Variants in ZSCAN5C observed in about 807,000 individuals in gnomAD.
ZSCAN5C encodes zinc finger and SCAN domain containing 5C.
In ZSCAN5C, 11 loss-of-function variants were observed where a neutral mutation model predicts 17.3. That is an observed-to-expected ratio of 0.64 (90% CI 0.40 to 1.06). The LOEUF is 1.06. Ranked by LOEUF, ZSCAN5C falls within the 50% of genes least tolerant of loss-of-function variation. The pLI is 0.00. For synonymous variants in ZSCAN5C, 229 were observed against 208.4 expected (o/e 1.10, Z -0.85); for missense variants, 698 against 538.9 (o/e 1.30, Z -2.92).
chr19:56,203,656 T>C (rs894365759), intron 1 of ZSCAN5C, among the ~76,000 whole-genome samples: 2 of 149,030 alleles, frequency 1.3e-5, no homozygotes, highest in South Asian at 4.3e-4. Context: ...TTTTTTTTTT[T>C]TTTTTTTTTG....
At chr19:56,202,885 T>C (rs1004844561) in intron 1 of ZSCAN5C, among the ~76,000 whole-genome samples, 11 of 151,956 alleles carry the variant, frequency 7.2e-5, no homozygotes, top group African/African-American at 2.2e-4. Context: ...ATCGCTGGAT[T>C]CTCCCTTTCC....
chr19:56,203,158 A>C (rs1266256593), intron 1 of ZSCAN5C, among the ~76,000 whole-genome samples: 1 of 151,880 alleles, frequency 6.6e-6, no homozygotes, highest in Non-Finnish European at 1.5e-5. Flanking sequence ...GGTGGTTGTC[A>C]AACTCCTGGG....
chr19:56,206,304 G>A lies in ZSCAN5C; in HGVS notation c.384+7G>A. On this transcript the variant is annotated splice_region_variant and intron_variant, in intron 2 of 4. Coordinates refer to ENST00000534327, the Ensembl canonical transcript of ZSCAN5C. ...CAGAAGACCCAAGAAATGGGTGAGTGGGACCCTCGTGATTGGTGCAGGGAA... is the reference window on the plus strand; with the variant it reads ...CAGAAGACCCAAGAAATGGGTGAGTAGGACCCTCGTGATTGGTGCAGGGAA... 1 of 1,508,708 alleles carries A rather than the reference G, an allele frequency of 6.6e-7. No homozygotes were observed. The highest frequency in any genetic ancestry group is 8.9e-7 in the Non-Finnish European group (1 of 1,120,822). 93.5% of individuals were successfully genotyped at this position (1,508,708 alleles called of 1,614,324 possible). A position where few individuals can be genotyped will look rare whatever the true frequency, so the allele number is the denominator to read the frequency against.
chr19:56,208,224 C>T (rs766327630), intron 4 of ZSCAN5C, 40 bp downstream of exon 4: 1 of 749,200 alleles, frequency 1.3e-6, no homozygotes, highest in Non-Finnish European at 2.5e-6. Context: ...GATAGCCCCT[C>T]TCTTCTGGGG....
chr19:56,208,127 G>C, exon 4 of ZSCAN5C: 1 of 778,958 alleles, frequency 1.3e-6, no homozygotes, highest in Middle Eastern at 2.3e-4. Flanking sequence ...CCTGGAGGAA[G>C]ACAGGGAGGA....
At chr19:56,205,109 G>T (rs1294670203) in intron 1 of ZSCAN5C, among the ~76,000 whole-genome samples, 1 of 151,740 alleles carries the variant, frequency 6.6e-6, no homozygotes, top group Admixed American at 6.6e-5. Flanking sequence ...GATGAGGATG[G>T]GGTTCCTTTT....
chr19:56,205,771 C>A lies in ZSCAN5C; in HGVS notation c.-127-16C>A. 1 of 585,324 alleles carries A rather than the reference C, an allele frequency of 1.7e-6. No homozygotes were observed. The highest frequency in any genetic ancestry group is 3.0e-6 in the Non-Finnish European group (1 of 329,496). The allele number at this position is 585,324 out of a possible 1,614,324, so 36.3% of individuals were successfully genotyped here. A position where few individuals can be genotyped will look rare whatever the true frequency, so the allele number is the denominator to read the frequency against. On this transcript the variant is annotated splice_polypyrimidine_tract_variant and intron_variant, in intron 1 of 4. Coordinates refer to ENST00000534327, the Ensembl canonical transcript of ZSCAN5C. The stretch of plus-strand genomic sequence containing the variant: ...AGTAGAAACTTTAACAGAGCTCATG[C>A]TTTTTTTCCCTGCAGACTTCTGAAT...
chr19:56,209,273 G>C (rs1436449962), downstream of ZSCAN5C: 6 of 612,884 alleles, frequency 9.8e-6, no homozygotes, highest in East Asian at 1.6e-4. Flanking sequence ...GTCAGATGAC[G>C]TTTGACAGAT....
At chr19:56,202,482 C>T (rs1204151223) in intron 1 of ZSCAN5C, among the ~76,000 whole-genome samples, 160 bp downstream of exon 1, 1 of 151,890 alleles carries the variant, frequency 6.6e-6, no homozygotes, top group African/African-American at 2.4e-5. Context: ...GCCCGGACAC[C>T]TTGTGAAGGC....
chr19:56,208,457 G>A lies in ZSCAN5C; in HGVS notation c.748G>A (p.Val250Met), dbSNP rs199505069. The A allele has an allele frequency of 5.4e-4, 733 of 1,364,906 alleles. 2 individuals carry two copies. Among genetic ancestry groups the A allele is most frequent in the Non-Finnish European group, 6.4e-4 (615 of 966,550 alleles). The allele number at this position is 1,364,906 out of a possible 1,614,324, so 84.5% of individuals were successfully genotyped here. A position where few individuals can be genotyped will look rare whatever the true frequency, so the allele number is the denominator to read the frequency against. The change falls in exon 5 of 5, where the codon GTG becomes ATG. Residue 250 changes from valine to methionine, a missense_variant. By Grantham distance (21) the Val-to-Met change is conservative. Around this residue, in one of 3 missense-constraint regions of ZSCAN5C, gnomAD observed 554 missense variants for 390.5 expected, o/e 1.42. Transcript: ENST00000534327. Reference sequence around the variant, plus strand: ...GGAATCCCTTCTTCCAGCAGGGGTGGTGGGAGCAAAGGAGGGGAAGGAACC... The same window carrying A: ...GGAATCCCTTCTTCCAGCAGGGGTGATGGGAGCAAAGGAGGGGAAGGAACC...
exon 3 of ZSCAN5C, chr19:56,207,154 C>G (rs187699193): frequency 1.3e-6 from 1 of 778,336 alleles, no homozygotes; most frequent in Non-Finnish European, 2.4e-6. Flanking sequence ...ATCCGAGACA[C>G]GTGTCCAGCC....
At position 56,207,018 on chromosome 19, in the gene ZSCAN5C, G is replaced by C. The variant is rs766982883; in HGVS notation, c.385-41G>C. On this transcript the variant is annotated intron_variant, in intron 2 of 4. Transcript: ENST00000534327. The stretch of plus-strand genomic sequence containing the variant: ...CCAGGGAATATGAGAGCTACTTTCA[G>C]GTTCTCATAGTTAGTCTGATTGCTT... 1.2e-5 allele frequency: 8 copies of C among 690,366 alleles called. No individual in the cohort carries two copies. The African/African-American group carries it at 1.4e-4, about 12-fold the overall frequency. 42.8% of individuals were successfully genotyped at this position (690,366 alleles called of 1,614,324 possible). A position where few individuals can be genotyped will look rare whatever the true frequency, so the allele number is the denominator to read the frequency against.
chr19:56,209,148 C>T (rs549862451), exon 5 of ZSCAN5C: 25 of 1,393,710 alleles, frequency 1.8e-5, no homozygotes, highest in Non-Finnish European at 2.3e-5. Flanking sequence ...TTCGGTCGGC[C>T]GGCGACCTTA....
chr19:56,207,156 T>A lies in ZSCAN5C; in HGVS notation c.482T>A (p.Val161Glu), dbSNP rs139308373. 8.6e-3 allele frequency: 6,705 copies of A among 778,744 alleles called. 59 individuals carry two copies. The highest frequency in any genetic ancestry group is 0.012 in the Non-Finnish European group (5,069 of 419,056). 48.2% of individuals were successfully genotyped at this position (778,744 alleles called of 1,614,324 possible). The change falls in exon 3 of 5, where the codon GTG (valine) becomes GAG (glutamate). Residue 161 changes from valine to glutamate, a missense_variant. Around this residue, in one of 3 missense-constraint regions of ZSCAN5C, gnomAD observed 554 missense variants for 390.5 expected, o/e 1.42. Transcript: ENST00000534327. ...AGTGTCAGAGATGATCCGAGACACG[T>A]GTCCAGCCAGCGGACCTCCTCTGTG...
intron 1 of ZSCAN5C, among the ~76,000 whole-genome samples, chr19:56,203,911 C>T (rs143635991): frequency 5.9e-5 from 9 of 151,852 alleles, no homozygotes; most frequent in African/African-American, 1.9e-4. Flanking sequence ...AGCCGTCCAA[C>T]GTGCTGGGAT....
At chr19:56,205,925 T>C (rs762298814) in exon 2 of ZSCAN5C, 3 of 1,209,186 alleles carry the variant, frequency 2.5e-6, no homozygotes, top group East Asian at 2.4e-5. Flanking sequence ...TGGCTGCAAA[T>C]TGCACATCCT....
chr19:56,204,541 C>T lies in ZSCAN5C; in HGVS notation c.-127-1246C>T, dbSNP rs1292315887. On this transcript the variant is annotated intron_variant, in intron 1 of 4. Transcript: ENST00000534327. Reference sequence around the variant, plus strand: ...GATGTCCACACGGGCGCCTTAAGCCCCTCTAGTGGGTTGTTTTCTCGCTCT... The same window carrying T: ...GATGTCCACACGGGCGCCTTAAGCCTCTCTAGTGGGTTGTTTTCTCGCTCT... Among the ~76,000 whole-genome samples, 3 of 151,568 alleles carry T rather than the reference C, an allele frequency of 2.0e-5. No homozygotes were observed. In the East Asian group the frequency reaches 5.8e-4, roughly 29 times the overall value.
At chr19:56,204,105 T>C (rs916038209) in intron 1 of ZSCAN5C, among the ~76,000 whole-genome samples, 1 of 151,958 alleles carries the variant, frequency 6.6e-6, no homozygotes, top group African/African-American at 2.4e-5. Context: ...GGTATGACTC[T>C]ACCCATCACC....
chr19:56,207,485 G>T (rs916802179), intron 3 of ZSCAN5C, among the ~76,000 whole-genome samples: 1 of 151,510 alleles, frequency 6.6e-6, no homozygotes. Context: ...AGGGTGGGGG[G>T]TAAGAAATGG....
Sources: allele counts gnomAD v4.1 joint callset (sites outside exome capture counted in the v4.1 genomes callset), GRCh38; gene constraint gnomAD v4.1.1; regional missense constraint gnomAD v4.1.1; transcripts MANE v1.5; gene names NCBI Gene and HGNC (gene_info 2026-07-23, HGNC 2026-07-21).